Variants in CD99 observed in about 807,000 individuals in gnomAD.
CD99 encodes the protein CD99 molecule (Xg blood group), also known as CD99 antigen.
A neutral mutation model predicts 28.4 loss-of-function variants in CD99; 19 were observed. That is an observed-to-expected ratio of 0.67 (90% CI 0.47 to 0.98). The LOEUF (loss-of-function observed/expected upper bound fraction) is 0.98. Ranked by LOEUF, CD99 falls within the 50% of genes least tolerant of loss-of-function variation. CD99 has a pLI of 0.00. For synonymous variants in CD99, 103 were observed against 92.1 expected, an observed-to-expected ratio of 1.12 and a Z score of -0.67; for missense variants, 283 against 248.8, an observed-to-expected ratio of 1.14 and a Z score of -0.92.
At chrX:2,727,803 C>A (rs1394103486) in intron 8 of CD99, among the ~76,000 whole-genome samples, 1 of 152,056 alleles carries the variant, frequency 6.6e-6, no homozygotes, top group Admixed American at 6.5e-5. Context: ...TGGAGGAGCC[C>A]CTGGGGTCCC....
intron 1 of CD99, among the ~76,000 whole-genome samples, chrX:2,703,266 G>A (rs988443850): frequency 2.0e-5 from 3 of 152,084 alleles, no homozygotes; most frequent in Admixed American, 6.6e-5. Flanking sequence ...TCCCCAAGTC[G>A]GTGCTGACAT....
intron 1 of CD99, among the ~76,000 whole-genome samples, chrX:2,712,929 A>G (rs1301172609): frequency 6.6e-6 from 1 of 152,022 alleles, no homozygotes; most frequent in Non-Finnish European, 1.5e-5. Flanking sequence ...GCACCTATGC[A>G]TATGCACACG....
At chrX:2,732,873 C>CCTTCCTT (rs1246377579) in intron 8 of CD99, among the ~76,000 whole-genome samples, 1 of 147,358 alleles carries the variant, frequency 6.8e-6, no homozygotes, top group Non-Finnish European at 1.5e-5. Context: ...CTCTTTTCTT[C>CCTTCCTT]CTTCCTTCTT....
intron 9 of CD99, 96 bp downstream of exon 9, chrX:2,738,352 C>A: frequency 8.2e-7 from 1 of 1,221,184 alleles, no homozygotes; most frequent in Non-Finnish European, 1.2e-6. Context: ...CTCACATTCT[C>A]AAATTTGGTT....
chrX:2,719,398 T>TCTC (rs1556322152), intron 3 of CD99: 11 of 472,268 alleles, frequency 2.3e-5, no homozygotes, highest in Admixed American at 7.6e-5. Context: ...TCTCTCTCTC[T>TCTC]CCCCACTGCC....
chrX:2,733,082 C>T (rs933250322), intron 8 of CD99, among the ~76,000 whole-genome samples: 24 of 150,856 alleles, frequency 1.6e-4, no homozygotes, highest in African/African-American at 5.6e-4. Context: ...TCCTCCCTTC[C>T]TTCCTCCCAT....
At chrX:2,711,401 ATG>A (rs1404580245) in intron 1 of CD99, among the ~76,000 whole-genome samples, 2 of 126,908 alleles carry the variant, frequency 1.6e-5, no homozygotes, top group African/African-American at 7.0e-5. Flanking sequence ...TATATATAGT[ATG>A]TGTGTGTATT....
intron 5 of CD99, among the ~76,000 whole-genome samples, chrX:2,720,630 T>TC (rs2048949565): frequency 7.1e-6 from 1 of 140,818 alleles, no homozygotes; most frequent in African/African-American, 2.6e-5. Flanking sequence ...CTTTTTTTTT[T>TC]TTTTTTTTTT....
At position 2,691,324 on chromosome X, in the gene CD99, G is replaced by T; in HGVS notation, c.-37G>T. On this transcript the variant is annotated 5_prime_UTR_variant, in exon 1 of 10. Coordinates refer to ENST00000381192, the MANE Select transcript of CD99 (RefSeq NM_002414.5). Reference sequence around the variant, plus strand: ...GTCCTGCCGCCTTCGCCCACGCCCTGCACTCCGGGACCGTCCCTGCGCGCT... The same window carrying T: ...GTCCTGCCGCCTTCGCCCACGCCCTTCACTCCGGGACCGTCCCTGCGCGCT... 6.6e-7 allele frequency: 1 copy of T among 1,514,048 alleles called. No homozygotes were observed. Among genetic ancestry groups the T allele is most frequent in the South Asian group, 1.2e-5 (1 of 81,904 alleles). The allele number at this position is 1,514,048 out of a possible 1,614,324, so 93.8% of individuals were successfully genotyped here.
chrX:2,703,396 A>C (rs1288664103), intron 1 of CD99, among the ~76,000 whole-genome samples: 2 of 151,950 alleles, frequency 1.3e-5, no homozygotes, highest in Non-Finnish European at 2.9e-5. Flanking sequence ...AATGTGAGTG[A>C]CTCCACAATG....
At chrX:2,715,684 C>G (rs1228886326) in intron 2 of CD99, 2 of 150,894 alleles carry the variant, frequency 1.3e-5, no homozygotes, top group East Asian at 4.0e-4. Context: ...ACTGCTCAAT[C>G]CACTGCAGTT....
intron 1 of CD99, among the ~76,000 whole-genome samples, chrX:2,708,986 C>T (rs773481968): frequency 6.6e-6 from 1 of 152,228 alleles, no homozygotes; most frequent in African/African-American, 2.4e-5. Context: ...TCACTGTGGC[C>T]TCTGAGGGCA....
intron 2 of CD99, among the ~76,000 whole-genome samples, chrX:2,716,120 G>T (rs2048699504): frequency 6.6e-6 from 1 of 151,536 alleles, no homozygotes; most frequent in Admixed American, 6.6e-5. Flanking sequence ...CCGGGTTCAA[G>T]TGATTCTCCT....
chrX:2,728,111 G>A (rs752850406), intron 8 of CD99, among the ~76,000 whole-genome samples: 94 of 151,780 alleles, frequency 6.2e-4, no homozygotes, highest in African/African-American at 1.9e-3. Flanking sequence ...TTATTTCCCC[G>A]TTCTTGCTGT....
chrX:2,708,635 G>A (rs1290868609), intron 1 of CD99, among the ~76,000 whole-genome samples: 1 of 152,196 alleles, frequency 6.6e-6, no homozygotes, highest in African/African-American at 2.4e-5. Flanking sequence ...AGCTCCAAGT[G>A]CGGGGCTGAG....
chrX:2,725,533 ATTGCAGGTC>A (rs1389765008), intron 7 of CD99, among the ~76,000 whole-genome samples: 1 of 152,218 alleles, frequency 6.6e-6, no homozygotes, highest in Non-Finnish European at 1.5e-5. Flanking sequence ...TGCCCCAAGC[ATTGCAGGTC>A]TTTGCTTCTT....
At position 2,720,391 on chromosome X, in the gene CD99, C is replaced by A. The variant is rs2048935516; in HGVS notation, c.229C>A (p.Pro77Thr). 6.2e-7 allele frequency: 1 copy of A among 1,613,740 alleles called. No individual in the cohort carries two copies. The highest frequency in any genetic ancestry group is 1.3e-5 in the African/African-American group (1 of 74,884). Reference protein sequence around the residue: ...PRPPNPPKPMPNPNPNHPSSS... With the variant: ...PRPPNPPKPMTNPNPNHPSSS... ...ACCACCGAACCCACCCAAACCGATG[C>A]CAAATCCAAACCCCAACCACCCTAG... is the stretch of plus-strand genomic sequence containing the variant. Residue 77 changes from proline to threonine, a missense_variant, in exon 5 of 10, where the codon CCA becomes ACA. Pro to Thr is a conservative substitution (Grantham distance 38). Transcript: ENST00000381192.
intron 7 of CD99, among the ~76,000 whole-genome samples, chrX:2,725,245 G>A (rs1344159875): frequency 6.6e-6 from 1 of 151,712 alleles, no homozygotes; most frequent in Non-Finnish European, 1.5e-5. Context: ...TAAAACCACA[G>A]TAATTAACCA....
At chrX:2,735,947 A>C (rs1465070715) in intron 8 of CD99, among the ~76,000 whole-genome samples, 1 of 152,118 alleles carries the variant, frequency 6.6e-6, no homozygotes, top group Non-Finnish European at 1.5e-5. Context: ...TCACACCTGT[A>C]ATCCCAGCAT....
Sources: gnomAD v4.1 joint callset for allele counts (sites outside exome capture counted in the v4.1 genomes callset) on GRCh38, gnomAD v4.1.1 for gene constraint, MANE v1.5 for transcripts, NCBI Gene and HGNC (gene_info 2026-07-23, HGNC 2026-07-21) for gene names.